Variants in ITGAE observed in about 807,000 individuals in gnomAD.
The protein encoded by ITGAE is integrin alpha-E.
ITGAE carries 99 observed loss-of-function variants against 136.5 expected under a neutral mutation model. That is an observed-to-expected ratio of 0.73 (90% CI 0.62 to 0.86). ITGAE has a LOEUF of 0.86. Among genes scored for constraint, ITGAE ranks in the 40% least tolerant of loss-of-function variants. ITGAE has a pLI of 0.00. For missense variants in ITGAE, 1,447 were observed against 1,515.3 expected (o/e 0.95, Z 0.75); for synonymous variants, 613 against 591.8 (o/e 1.04, Z -0.52).
At chr17:3,748,241 T>C (rs75235049) in intron 16 of ITGAE, among the ~76,000 whole-genome samples, 189 bp from the exon 17 acceptor site, 3,046 of 151,970 alleles carry the variant, frequency 0.02, 85 homozygotes, top group South Asian at 0.061. Context: ...AACAAGCAAA[T>C]AAACGAGAGA....
rs1410102487 is a variant in ITGAE, at chr17:3,780,121, G to T, written c.35-2461C>A. 2.0e-5 allele frequency among the ~76,000 whole-genome samples: 3 copies of T among 150,606 alleles called. No homozygotes were observed. In the South Asian group the frequency reaches 6.3e-4, roughly 32 times the overall value. ...CCCGAGTAGCTGGGATTACAGGCAT[G>T]TGCCACCATGCCCGGCTAATTTTTG... On this transcript the variant is annotated intron_variant, in intron 1 of 30. Transcript: ENST00000263087.
chr17:3,795,059 T>TCAGA (rs2053032537), intron 1 of ITGAE, among the ~76,000 whole-genome samples: 4 of 152,116 alleles, frequency 2.6e-5, no homozygotes, highest in Non-Finnish European at 5.9e-5. Context: ...GTGGCCCTGC[T>TCAGA]CAGCCAGCCA....
chr17:3,741,070 A>ATTTTTT (rs58434003), intron 19 of ITGAE, among the ~76,000 whole-genome samples: 24 of 76,802 alleles, frequency 3.1e-4, no homozygotes, highest in Non-Finnish European at 4.9e-4. Context: ...TTTTTGTTGT[A>ATTTTTT]TTTTTTTTTT....
At chr17:3,776,394 A>C (rs2052541069) in intron 2 of ITGAE, among the ~76,000 whole-genome samples, 1 of 152,078 alleles carries the variant, frequency 6.6e-6, no homozygotes, top group South Asian at 2.1e-4. Flanking sequence ...ATTATCTCAA[A>C]TAGTCTTTGC....
At chr17:3,722,853 G>A (rs1292038208) in intron 28 of ITGAE, among the ~76,000 whole-genome samples, 1 of 152,206 alleles carries the variant, frequency 6.6e-6, no homozygotes, top group African/African-American at 2.4e-5. Context: ...GCTCTTAGAA[G>A]ACGGATAGCT....
Position 3,757,602 on chromosome 17 carries a change from G to GTCT in ITGAE, c.1020+101_1020+103dup, listed in dbSNP as rs1308927626. On this transcript the variant is annotated intron_variant, in intron 9 of 30. Coordinates refer to ENST00000263087, the MANE Select transcript of ITGAE (RefSeq NM_002208.5). Reference sequence around the variant, plus strand: ...GAGGAGCATTTGCAAATAGAACAGGGTCTGGATAAGCTGCTTACAGAAAAG... The same window carrying GTCT: ...GAGGAGCATTTGCAAATAGAACAGGGTCTTCTGGATAAGCTGCTTACAGAAAAG... 1.4e-5 allele frequency: 17 copies of GTCT among 1,222,388 alleles called. No homozygotes were observed. In the Admixed American group the frequency reaches 3.5e-4, roughly 25 times the overall value. 75.7% of individuals were successfully genotyped at this position (1,222,388 alleles called of 1,614,324 possible). A position where few individuals can be genotyped will look rare whatever the true frequency, so the allele number is the denominator to read the frequency against.
At position 3,759,621 on chromosome 17, in the gene ITGAE, G is replaced by A. The variant is rs111977175; in HGVS notation, c.715-68C>T. On this transcript the variant is annotated intron_variant, in intron 7 of 30. Coordinates refer to ENST00000263087, the MANE Select transcript of ITGAE (RefSeq NM_002208.5). Reference sequence around the variant, plus strand: ...CACCTCTGCCCCTGAAATGTCTCCCGCTGGAAGCAGCAGAAAAATCCACTC... The same window carrying A: ...CACCTCTGCCCCTGAAATGTCTCCCACTGGAAGCAGCAGAAAAATCCACTC... 1.7e-4 allele frequency: 266 copies of A among 1,549,398 alleles called. 4 individuals carry two copies. In the African/African-American group the frequency reaches 2.1e-3, roughly 12 times the overall value.
intron 1 of ITGAE, among the ~76,000 whole-genome samples, chr17:3,784,096 T>TA (rs1450735665): frequency 6.6e-6 from 1 of 151,882 alleles, no homozygotes; most frequent in Non-Finnish European, 1.5e-5. Flanking sequence ...CCGTCTCTAC[T>TA]AAAAATACAA....
At position 3,732,092 on chromosome 17, in the gene ITGAE, A is replaced by AC. The variant is rs59017389; in HGVS notation, c.2754+275_2754+276insG. ...CTCCATCTCAAAAACAAACAAACAA[A>AC]AAAACTTTTTGTCTGACACGCCCTC... is the stretch of plus-strand genomic sequence containing the variant. On this transcript the variant is annotated intron_variant, in intron 22 of 30. Coordinates refer to ENST00000263087, the MANE Select transcript of ITGAE (RefSeq NM_002208.5). 6.7e-5 allele frequency among the ~76,000 whole-genome samples: 10 copies of AC among 150,016 alleles called. No individual in the cohort carries two copies. In the East Asian group the frequency reaches 1.2e-3, roughly 18 times the overall value.
intron 2 of ITGAE, among the ~76,000 whole-genome samples, chr17:3,770,672 AC>A (rs2052399526): frequency 6.6e-6 from 1 of 152,072 alleles, no homozygotes; most frequent in Non-Finnish European, 1.5e-5. Flanking sequence ...TGCAGCAGGA[AC>A]CCAGAAGTGC....
chr17:3,793,106 C>T (rs886588842), intron 1 of ITGAE, among the ~76,000 whole-genome samples: 3 of 151,942 alleles, frequency 2.0e-5, no homozygotes, highest in Non-Finnish European at 4.4e-5. Flanking sequence ...GGCTGGAATG[C>T]AGTGGCACAA....
chr17:3,785,489 A>AAGGAAGG (rs1304391158), intron 1 of ITGAE, among the ~76,000 whole-genome samples: 1 of 135,928 alleles, frequency 7.4e-6, no homozygotes, highest in Non-Finnish European at 1.6e-5. Flanking sequence ...GGAAGGAAGG[A>AAGGAAGG]AGGAAGGAGG....
At chr17:3,737,858 T>A (rs117595324) in intron 20 of ITGAE, among the ~76,000 whole-genome samples, 27 of 152,192 alleles carry the variant, frequency 1.8e-4, no homozygotes, top group Non-Finnish European at 4.0e-4. Flanking sequence ...AGCGTTTGCT[T>A]GCTATGTACA....
rs901683170 is a variant in ITGAE at position 3,739,998 on chromosome 17, A to C, written c.2449-120T>G. The stretch of plus-strand genomic sequence containing the variant: ...GCCTCCTGCTCACCCTGAGAAGTGC[A>C]GTTACAGGGAGGTGAGGGGTGCAGG... On this transcript the variant is annotated intron_variant, in intron 19 of 30. Transcript: ENST00000263087. The C allele has an allele frequency of 1.3e-5, 10 of 755,964 alleles. No homozygotes were observed. In the Admixed American group the frequency reaches 1.4e-4, roughly 10 times the overall value. 46.8% of individuals were successfully genotyped at this position (755,964 alleles called of 1,614,324 possible).
At chr17:3,724,174 G>GGAGGCGTCCCGGCGGCC in intron 26 of ITGAE, 1 of 1,592,802 alleles carries the variant, frequency 6.3e-7, no homozygotes, top group Non-Finnish European at 8.5e-7. Context: ...AGGCGGCGGC[G>GGAGGCGTCCCGGCGGCC]GAGGCGTCCC....
chr17:3,719,889 G>A (rs1317515206), intron 29 of ITGAE, among the ~76,000 whole-genome samples: 1 of 152,142 alleles, frequency 6.6e-6, no homozygotes, highest in South Asian at 2.1e-4. Flanking sequence ...CATCATGTCC[G>A]GCTAATTTTT....
intron 26 of ITGAE, among the ~76,000 whole-genome samples, chr17:3,727,645 C>T (rs1344391587): frequency 4.6e-5 from 7 of 152,046 alleles, no homozygotes; most frequent in East Asian, 1.9e-4. Flanking sequence ...GTGATCCACC[C>T]GCCTCGGCCT....
intron 19 of ITGAE, 52 bp from the exon 20 acceptor site, chr17:3,739,930 G>T (rs769720919): frequency 2.1e-6 from 3 of 1,454,098 alleles, no homozygotes; most frequent in African/African-American, 1.4e-5. Context: ...TTCCCCAGCA[G>T]CCCTGCCTCC....
intron 12 of ITGAE, 128 bp downstream of exon 12, chr17:3,754,989 G>GCCCC: frequency 1.0e-6 from 1 of 970,168 alleles, no homozygotes; most frequent in Non-Finnish European, 1.3e-6. Context: ...TAGCCCCCAG[G>GCCCC]CCCCACCCTC....
Sources: gnomAD v4.1 joint callset for allele counts (sites outside exome capture counted in the v4.1 genomes callset) on GRCh38, gnomAD v4.1.1 for gene constraint, MANE v1.5 for transcripts, NCBI Gene and HGNC (gene_info 2026-07-23, HGNC 2026-07-21) for gene names.